NCOA2: variants seen among roughly 807,000 people sequenced by gnomAD.
NCOA2 encodes the protein class E basic helix-loop-helix protein 75.
A neutral mutation model predicts 145.1 loss-of-function variants in NCOA2; 21 were observed. The ratio of observed to expected loss-of-function variants is 0.14; its 90% confidence interval spans 0.10 to 0.21. NCOA2 has a LOEUF of 0.21. Among genes scored for constraint, NCOA2 ranks in the 10% least tolerant of loss-of-function variants. The pLI, the probability that NCOA2 is intolerant of heterozygous loss-of-function variation, is 1.00. For missense variants in NCOA2, 1,472 were observed against 1,837.6 expected, an observed-to-expected ratio of 0.80 and a Z score of 3.64; for synonymous variants, 619 against 637.5, an observed-to-expected ratio of 0.97 and a Z score of 0.44.
intron 1 of NCOA2, among the ~76,000 whole-genome samples, chr8:70,394,135 G>A (rs1380291402): frequency 6.6e-6 from 1 of 152,160 alleles, no homozygotes. Context: ...AGAGTACAGT[G>A]GTGCTCAAAT....
intron 2 of NCOA2, among the ~76,000 whole-genome samples, chr8:70,266,750 T>G (rs1387192996): frequency 6.6e-6 from 1 of 152,192 alleles, no homozygotes; most frequent in Non-Finnish European, 1.5e-5. Context: ...ATTCAATCAA[T>G]CAATATTTAT....
At chr8:70,153,412 A>T (rs1279854202) in intron 11 of NCOA2, among the ~76,000 whole-genome samples, 1 of 152,236 alleles carries the variant, frequency 6.6e-6, no homozygotes, top group Non-Finnish European at 1.5e-5. Context: ...AGGAGTTTTT[A>T]AAAAACTCCT....
the NCOA2 span, among the ~76,000 whole-genome samples, chr8:70,413,496 A>G: frequency 6.6e-6 from 1 of 152,198 alleles, no homozygotes; most frequent in Non-Finnish European, 1.5e-5. Context: ...CCAGAAACCT[A>G]TGTTAATGTT....
At chr8:70,307,220 C>CAAAAAAAAAAAAAAAAAAAAAAAGAA (rs57161747) in intron 1 of NCOA2, among the ~76,000 whole-genome samples, 1 of 71,642 alleles carries the variant, frequency 1.4e-5, no homozygotes, top group African/African-American at 4.4e-5. Context: ...CCTACATAAG[C>CAAAAAAAAAAAAAAAAAAAAAAAGAA]AAAAAAAAAA....
At position 70,156,580 on chromosome 8, in the gene NCOA2, A is replaced by G. The variant is rs979036832; in HGVS notation, c.1785T>C (p.Gly595=). The change falls in exon 11 of 23, where the codon GGT becomes GGC. Residue 595 remains glycine, a synonymous_variant. Transcript: ENST00000452400. ...AGCTGCTCTCTGCTTGTCCAGTTGT[A>G]CCTTCAGAGGGCTCCCCATATAGTC... is the stretch of plus-strand genomic sequence containing the variant. ...CFGLYGEPSE[G]TTGQAESSCH... The G allele has an allele frequency of 1.9e-6, 3 of 1,613,466 alleles. No individual in the cohort carries two copies. Among genetic ancestry groups the G allele is most frequent in the Non-Finnish European group, 2.5e-6 (3 of 1,179,804 alleles).
In NCOA2 at chr8:70,148,475, A is replaced by C. The variant is rs1334337772; in HGVS notation, c.2403T>G (p.Ser801Arg). ...AAATCTCCTCCAAGTTGTCCAGCTC[A>C]CTGCCAGGCTGTAGTTGACAAACAG... ...MSFEPGDQPG[S>R]ELDNLEEILD... Residue 801 changes from serine to arginine, a missense_variant, in exon 12 of 23, where the codon AGT (serine) becomes AGG (arginine). This residue lies in a region of NCOA2 where 953 missense variants were observed against 1,062.1 expected (regional missense o/e 0.90). Coordinates refer to ENST00000452400, the MANE Select transcript of NCOA2 (RefSeq NM_006540.4). 1 of 1,612,986 alleles carries C rather than the reference A, an allele frequency of 6.2e-7. No homozygotes were observed. Among genetic ancestry groups the C allele is most frequent in the Admixed American group, 1.7e-5 (1 of 60,030 alleles).
the NCOA2 span, among the ~76,000 whole-genome samples, chr8:70,418,170 G>C: frequency 7.2e-5 from 11 of 152,274 alleles, no homozygotes; most frequent in African/African-American, 2.2e-4. Flanking sequence ...ACCATTTATT[G>C]ACACTTACTT....
the NCOA2 span, among the ~76,000 whole-genome samples, chr8:70,442,386 C>A: frequency 1.3e-5 from 2 of 150,792 alleles, no homozygotes; most frequent in African/African-American, 5.0e-5. Context: ...ACACATAAAT[C>A]CCTCAAGCAA....
chr8:70,348,785 T>C (rs1009860783), intron 1 of NCOA2, among the ~76,000 whole-genome samples: 2 of 152,030 alleles, frequency 1.3e-5, no homozygotes, highest in African/African-American at 4.8e-5. Flanking sequence ...AGTAAGGAGT[T>C]TCACTTTGGT....
At chr8:70,319,160 G>T (rs115706343) in intron 1 of NCOA2, among the ~76,000 whole-genome samples, 3,948 of 152,272 alleles carry the variant, frequency 0.026, 184 homozygotes, top group African/African-American at 0.09. Context: ...AACAGGGAGA[G>T]AAACTATTGG....
chr8:70,207,862 C>CAAAAAAAAAAAAAAAAAAAAAAAAAAA (rs754670876), intron 4 of NCOA2, among the ~76,000 whole-genome samples: 2 of 36,208 alleles, frequency 5.5e-5, no homozygotes, highest in African/African-American at 1.1e-4. Flanking sequence ...GACTCCACCT[C>CAAAAAAAAAAAAAAAAAAAAAAAAAAA]AAAAAAAAAA....
chr8:70,442,192 C>T, the NCOA2 span, among the ~76,000 whole-genome samples: 46 of 108,468 alleles, frequency 4.2e-4, no homozygotes, highest in African/African-American at 1.3e-3. Context: ...GTCTTTAGGC[C>T]GATGAGAGAA....
intron 1 of NCOA2, among the ~76,000 whole-genome samples, chr8:70,346,795 A>G (rs1808698915): frequency 6.6e-6 from 1 of 152,230 alleles, no homozygotes; most frequent in Admixed American, 6.5e-5. Context: ...TAACTTTTGT[A>G]AATGACAGAA....
the NCOA2 span, among the ~76,000 whole-genome samples, chr8:70,418,286 A>G: frequency 1.3e-5 from 2 of 152,180 alleles, no homozygotes; most frequent in Non-Finnish European, 2.9e-5. Context: ...CTGTACTGTC[A>G]AGCCAGAGAT....
chr8:70,243,565 A>G (rs993305634), intron 2 of NCOA2, among the ~76,000 whole-genome samples: 5 of 152,088 alleles, frequency 3.3e-5, no homozygotes, highest in Admixed American at 2.0e-4. Flanking sequence ...TGGCTCATTC[A>G]AAGGCTTAGA....
intron 4 of NCOA2, among the ~76,000 whole-genome samples, chr8:70,205,181 G>C (rs1818306154): frequency 6.6e-6 from 1 of 152,080 alleles, no homozygotes; most frequent in Admixed American, 6.6e-5. Flanking sequence ...ATTCATATTT[G>C]TTTGGAGATT....
intron 1 of NCOA2, among the ~76,000 whole-genome samples, chr8:70,305,898 G>C (rs1268297049): frequency 6.6e-6 from 1 of 152,162 alleles, no homozygotes; most frequent in African/African-American, 2.4e-5. Context: ...TTTACCTGTG[G>C]AGTAGTTAGT....
At chr8:70,212,048 A>G (rs115891827) in intron 4 of NCOA2, among the ~76,000 whole-genome samples, 2,079 of 148,446 alleles carry the variant, frequency 0.014, 42 homozygotes, top group African/African-American at 0.048. Flanking sequence ...AAACTTGTGC[A>G]AGACCTTCTT....
the NCOA2 span, among the ~76,000 whole-genome samples, chr8:70,423,575 A>G: frequency 6.6e-6 from 1 of 152,070 alleles, no homozygotes; most frequent in African/African-American, 2.4e-5. Context: ...TCTCTTGGTG[A>G]TATAAATTGT....
Sources: allele counts gnomAD v4.1 joint callset (sites outside exome capture counted in the v4.1 genomes callset), GRCh38; gene constraint gnomAD v4.1.1; regional missense constraint gnomAD v4.1.1; transcripts MANE v1.5; gene names NCBI Gene and HGNC (gene_info 2026-07-23, HGNC 2026-07-21).